Variants in BCAR3 observed in about 807,000 individuals in gnomAD.
BCAR3 encodes BCAR3 adaptor protein, NSP family member, also known as breast cancer anti-estrogen resistance protein 3.
Under a neutral mutation model 80.1 loss-of-function variants are expected in BCAR3, and 37 were observed. That is an observed-to-expected ratio of 0.46 (90% CI 0.36 to 0.61). The LOEUF (loss-of-function observed/expected upper bound fraction) is 0.61. BCAR3 is among the 20% of genes least tolerant of loss of function. BCAR3 has a pLI of 0.00. For synonymous variants in BCAR3, 389 were observed against 418.9 expected, an observed-to-expected ratio of 0.93 and a Z score of 0.87; for missense variants, 978 against 1,068.2, an observed-to-expected ratio of 0.92 and a Z score of 1.18.
intron 3 of BCAR3, among the ~76,000 whole-genome samples, chr1:93,634,481 C>A (rs1352062307): frequency 6.6e-6 from 1 of 152,028 alleles, no homozygotes; most frequent in Non-Finnish European, 1.5e-5. Flanking sequence ...CATTTGAGGT[C>A]AGGAGTGCGA....
Position 93,567,829 on chromosome 1 carries a change from C to T in BCAR3, c.1997G>A (p.Trp666Ter). 1 of 1,614,034 alleles carries T rather than the reference C, an allele frequency of 6.2e-7. No individual in the cohort carries two copies. Among genetic ancestry groups the T allele is most frequent in the Non-Finnish European group, 8.5e-7 (1 of 1,179,868 alleles). The change falls in exon 10 of 12, where the codon TGG becomes TAG. Residue 666 changes from tryptophan to a stop codon, truncating the protein, a stop_gained. Coordinates refer to ENST00000260502, the MANE Select transcript of BCAR3 (RefSeq NM_003567.4). LOFTEE classifies it high-confidence loss of function. The stretch of plus-strand genomic sequence containing the variant: ...GGTGTACTGGTGCCGCAGAGCAGTC[C>T]ACGTCTTTTCTAACCTTGTGATCTG... ...MPQITRLEKT[W>*]TALRHQYTQT...
chr1:93,655,090 C>A (rs746024555), intron 2 of BCAR3, among the ~76,000 whole-genome samples: 5 of 152,106 alleles, frequency 3.3e-5, no homozygotes, highest in African/African-American at 1.2e-4. Flanking sequence ...GCGCAGCGTT[C>A]GGGGCAGCAG....
chr1:93,726,063 T>TTTTTTTTG (rs1276814134), intron 2 of BCAR3, among the ~76,000 whole-genome samples: 1 of 152,090 alleles, frequency 6.6e-6, no homozygotes. Flanking sequence ...TTATTAGCTT[T>TTTTTTTTG]TTTTTTTGTT....
At chr1:93,778,679 C>T (rs1479922296) in intron 2 of BCAR3, among the ~76,000 whole-genome samples, 1 of 152,156 alleles carries the variant, frequency 6.6e-6, no homozygotes, top group Non-Finnish European at 1.5e-5. Context: ...GTTCTGGCTC[C>T]TCCAACAAGA....
At chr1:93,610,231 G>C (rs531896400) in intron 3 of BCAR3, among the ~76,000 whole-genome samples, 2 of 152,302 alleles carry the variant, frequency 1.3e-5, no homozygotes, top group African/African-American at 4.8e-5. Flanking sequence ...TGGCTGCTGG[G>C]ATTATTCCTA....
intron 2 of BCAR3, among the ~76,000 whole-genome samples, chr1:93,729,429 G>T (rs2100681234): frequency 6.6e-6 from 1 of 152,150 alleles, no homozygotes; most frequent in Non-Finnish European, 1.5e-5. Flanking sequence ...CTGGAATTAC[G>T]GGTTCTACTG....
intron 2 of BCAR3, among the ~76,000 whole-genome samples, chr1:93,709,121 A>G (rs1018636029): frequency 6.6e-6 from 1 of 152,144 alleles, no homozygotes; most frequent in Non-Finnish European, 1.5e-5. Flanking sequence ...ATGAAGTCAG[A>G]GCTTTTCCCC....
At chr1:93,745,142 C>A (rs549711248) in intron 2 of BCAR3, among the ~76,000 whole-genome samples, 1 of 152,226 alleles carries the variant, frequency 6.6e-6, no homozygotes, top group Admixed American at 6.5e-5. Context: ...TGGAAAGTCT[C>A]CCAGGTGGAG....
At chr1:93,662,357 AT>A (rs1367142757) in intron 2 of BCAR3, among the ~76,000 whole-genome samples, 1 of 152,128 alleles carries the variant, frequency 6.6e-6, no homozygotes, top group African/African-American at 2.4e-5. Flanking sequence ...CCATACTTTC[AT>A]TTGTAATGAA....
intron 2 of BCAR3, among the ~76,000 whole-genome samples, chr1:93,807,159 G>C (rs1396399162): frequency 6.6e-6 from 1 of 152,110 alleles, no homozygotes; most frequent in Non-Finnish European, 1.5e-5. Flanking sequence ...ATATGTCTTT[G>C]ATTGATATGG....
At chr1:93,653,832 A>G (rs1647237577) in intron 2 of BCAR3, among the ~76,000 whole-genome samples, 1 of 152,210 alleles carries the variant, frequency 6.6e-6, no homozygotes, top group South Asian at 2.1e-4. Flanking sequence ...CAACAGGAGA[A>G]GCATGTGCAA....
At position 93,770,211 on chromosome 1, in the gene BCAR3, C is replaced by T. The variant is rs113022763; in HGVS notation, c.-62-64069G>A. On this transcript the variant is annotated intron_variant, in intron 2 of 13. Transcript: ENST00000370244. ...AAGTTGAAACAGCAAGAGAATACTT[C>T]GAGGCATCTAACGGAAGAGCTGCTG... is the stretch of plus-strand genomic sequence containing the variant. 7.2e-5 allele frequency among the ~76,000 whole-genome samples: 11 copies of T among 152,248 alleles called. No individual in the cohort carries two copies. The East Asian group carries it at 9.6e-4, about 13-fold the overall frequency.
intron 2 of BCAR3, among the ~76,000 whole-genome samples, chr1:93,665,646 C>T (rs566075020): frequency 6.6e-6 from 1 of 152,108 alleles, no homozygotes; most frequent in Admixed American, 6.5e-5. Context: ...AACTTTATAC[C>T]TTTCAGGCCA....
intron 9 of BCAR3, among the ~76,000 whole-genome samples, chr1:93,570,749 GA>G (rs1420574275): frequency 6.6e-6 from 1 of 152,234 alleles, no homozygotes; most frequent in East Asian, 1.9e-4. Context: ...CACACCTGGT[GA>G]CCCAGATGGA....
intron 2 of BCAR3, among the ~76,000 whole-genome samples, chr1:93,732,641 AAAAAG>A (rs771850315): frequency 1.3e-5 from 2 of 152,282 alleles, no homozygotes; most frequent in South Asian, 2.1e-4. Context: ...AAACGAAAAG[AAAAAG>A]AAAAGAAAAG....
At chr1:93,817,797 C>A (rs77495330) in intron 2 of BCAR3, among the ~76,000 whole-genome samples, 36 of 152,214 alleles carry the variant, frequency 2.4e-4, no homozygotes, top group East Asian at 5.8e-4. Context: ...TTTACCCCCC[C>A]ACATCCCTGC....
At chr1:93,633,742 C>A (rs1675694610) in intron 3 of BCAR3, among the ~76,000 whole-genome samples, 1 of 152,248 alleles carries the variant, frequency 6.6e-6, no homozygotes, top group Admixed American at 6.5e-5. Flanking sequence ...TCAAGCAATT[C>A]TCCTGCCTCC....
At chr1:93,815,745 G>A (rs973830508) in intron 2 of BCAR3, among the ~76,000 whole-genome samples, 5 of 152,126 alleles carry the variant, frequency 3.3e-5, no homozygotes, top group Admixed American at 6.6e-5. Context: ...ATAGAGATGC[G>A]CTATACACCA....
At chr1:93,589,690 T>C (rs999983461) in intron 4 of BCAR3, among the ~76,000 whole-genome samples, 5 of 152,194 alleles carry the variant, frequency 3.3e-5, no homozygotes, top group Non-Finnish European at 7.3e-5. Context: ...CTTATGGAGC[T>C]CCTGTTTTTG....
Sources: gnomAD v4.1 joint callset for allele counts (sites outside exome capture counted in the v4.1 genomes callset) on GRCh38, gnomAD v4.1.1 for gene constraint, MANE v1.5 for transcripts, NCBI Gene and HGNC (gene_info 2026-07-23, HGNC 2026-07-21) for gene names.